Variants in ZNF394 observed in about 807,000 individuals in gnomAD.
ZNF394 encodes the protein zinc finger protein 394.
In ZNF394, 19 loss-of-function variants were observed where a neutral mutation model predicts 21.8. The ratio of observed to expected loss-of-function variants is 0.87; its 90% CI spans 0.61 to 1.28. The LOEUF (loss-of-function observed/expected upper bound fraction) is 1.28, where lower values mean the gene tolerates loss of function less well. ZNF394 is among the 50% of genes most tolerant of loss of function. The probability of loss-of-function intolerance (pLI) is 0.00; values close to 1 mark genes in which losing one functional copy is unlikely to be tolerated. For missense variants in ZNF394, 683 were observed against 708.6 expected, an observed-to-expected ratio of 0.96 and a Z score of 0.41; for synonymous variants, 294 against 273.3, an observed-to-expected ratio of 1.08 and a Z score of -0.75.
chr7:99,487,199 G>C (rs116825831), intron 1 of ZNF394: 1 of 1,614,122 alleles, frequency 6.2e-7, no homozygotes, highest in African/African-American at 1.3e-5. Context: ...ACCCTTCTAT[G>C]TCATCAACAG....
At chr7:99,497,122 G>GTATATATATATATATATATA (rs1206330509) in intron 2 of ZNF394, among the ~76,000 whole-genome samples, 2 of 79,428 alleles carry the variant, frequency 2.5e-5, no homozygotes, top group Non-Finnish European at 2.2e-5. Flanking sequence ...GTGTGTGTGT[G>GTATATATATATATATATATA]TATATATATA....
Position 99,499,870 on chromosome 7 carries a change from A to T in ZNF394, c.224T>A (p.Val75Glu), listed in dbSNP as rs994289639. The part of the protein sequence containing the change: ...LHFRQLRYQE[V>E]AGPEEALSRL... ...GCTCAGCGCCTCTTCCGGTCCAGCCACCTCCTGGTAACGCAGCTGCCTAAA... is the reference window on the plus strand; with the variant it reads ...GCTCAGCGCCTCTTCCGGTCCAGCCTCCTCCTGGTAACGCAGCTGCCTAAA... Residue 75 changes from valine (V) to glutamate (E), a missense_variant, in exon 1 of 3, where the codon GTG (valine) becomes GAG (glutamate). Val to Glu is a moderately radical substitution (Grantham distance 121). This residue lies in a region of ZNF394 where 402 missense variants were observed against 373.8 expected (regional missense o/e 1.08). Transcript: ENST00000337673. The T allele has an allele frequency of 2.4e-5, 38 of 1,613,946 alleles. No individual in the cohort carries two copies. In the African/African-American group the frequency reaches 4.9e-4, roughly 21 times the overall value.
downstream of ZNF394, among the ~76,000 whole-genome samples, chr7:99,492,834 C>G (rs1214750906): frequency 6.6e-6 from 1 of 150,834 alleles, no homozygotes; most frequent in African/African-American, 2.4e-5. Flanking sequence ...TGCCTGTGGT[C>G]CCAGCTACTC....
rs1437213664 is a variant in ZNF394 at position 99,487,072 on chromosome 7, A to G, written n.84-109T>C. On this transcript the variant is annotated intron_variant and non_coding_transcript_variant, in intron 1 of 1. Coordinates refer to the ZNF394 transcript ENST00000462024. ...CACCAAAGAAAAACCTTATAAATGT[A>G]GCAAATGTGAAAAAACGTTTAGTCA... 4 of 1,614,024 alleles carry G rather than the reference A, an allele frequency of 2.5e-6. No individual in the cohort carries two copies. The highest frequency in any genetic ancestry group is 2.2e-5 in the South Asian group (2 of 91,090).
At position 99,499,917 on chromosome 7, in the gene ZNF394, G is replaced by A. The variant is rs1194541714; in HGVS notation, c.177C>T (p.Asp59=). The A allele has an allele frequency of 6.2e-7, 1 of 1,614,126 alleles. No homozygotes were observed. The highest frequency in any genetic ancestry group is 8.5e-7 in the Non-Finnish European group (1 of 1,180,046). The change falls in exon 1 of 3, where the codon GAC becomes GAT. Residue 59 remains aspartate (D), a synonymous_variant. Transcript: ENST00000337673. ...WEPNYPAASP[D]PETSRLHFRQ... ...TAAAGTGCAGTCGAGAAGTTTCGGG[G>A]TCCGGCGAAGCCGCGGGATAGTTGG...
chr7:99,486,663 C>T, exon 2 of ZNF394: 4 of 1,614,186 alleles, frequency 2.5e-6, no homozygotes, highest in South Asian at 1.1e-5. Flanking sequence ...ATGAATACAG[C>T]AGGGGCTTCC....
chr7:99,491,633 G>C (rs116142858), downstream of ZNF394, among the ~76,000 whole-genome samples: 1 of 151,532 alleles, frequency 6.6e-6, no homozygotes, highest in Non-Finnish European at 1.5e-5. Context: ...AAAATCAGCC[G>C]GGTGTGGTGG....
downstream of ZNF394, among the ~76,000 whole-genome samples, chr7:99,488,583 A>G (rs535440236): frequency 2.0e-5 from 3 of 152,176 alleles, no homozygotes; most frequent in South Asian, 6.2e-4. Flanking sequence ...AAAAAACAAA[A>G]CAAAACTAAG....
Position 99,493,733 on chromosome 7 carries a change from CT to C in ZNF394, c.1481del (p.Glu494GlyfsTer82), listed in dbSNP as rs1562892769. Reference sequence around the variant, plus strand: ...CACAGACGGAACATCCATAGGGCTTCTCCCCAGTGTGGATTCTGTGGTGTTT... The same window carrying C: ...CACAGACGGAACATCCATAGGGCTTCCCCCAGTGTGGATTCTGTGGTGTTT... ...LFKHHRIHTG[E>X]KPYGCSVCGK... On this transcript the variant is annotated frameshift_variant, in exon 3 of 3. Transcript: ENST00000337673. LOFTEE classifies it low-confidence loss of function (END_TRUNC). 2 of 1,614,182 alleles carry C rather than the reference CT, an allele frequency of 1.2e-6. No individual in the cohort carries two copies. Among genetic ancestry groups the C allele is most frequent in the South Asian group, 2.2e-5 (2 of 91,074 alleles).
At chr7:99,491,972 C>T (rs554221462), downstream of ZNF394, among the ~76,000 whole-genome samples, 5 of 149,700 alleles carry the variant, frequency 3.3e-5, no homozygotes, top group South Asian at 1.1e-3. Flanking sequence ...ACTCAGGAGG[C>T]TGAGGCAGAA....
rs769731471 is a variant in ZNF394, at chr7:99,499,652, C to T, written c.442G>A (p.Gly148Arg). Residue 148 changes from glycine to arginine, a missense_variant, in exon 1 of 3, where the codon GGA (glycine) becomes AGA (arginine). Gly to Arg is a moderately radical substitution (Grantham distance 125). Coordinates refer to ENST00000337673, the MANE Select transcript of ZNF394 (RefSeq NM_032164.4). ...TCGCTTCTCACCTGGGATGAGGTTCCATCGAGCGCTCGCTGCAGAGCCCGC... is the reference window on the plus strand; with the variant it reads ...TCGCTTCTCACCTGGGATGAGGTTCTATCGAGCGCTCGCTGCAGAGCCCGC... Reference protein sequence around the residue: ...VVRALQRALDGTSSQGMVTFE... With the variant: ...VVRALQRALDRTSSQGMVTFE... 1.3e-6 allele frequency: 2 copies of T among 1,596,852 alleles called. No homozygotes were observed. Among genetic ancestry groups the T allele is most frequent in the Admixed American group, 1.7e-5 (1 of 58,686 alleles).
At chr7:99,487,782 AAAAG>A (rs768468145) in intron 1 of ZNF394, among the ~76,000 whole-genome samples, 31 of 152,150 alleles carry the variant, frequency 2.0e-4, no homozygotes, top group Middle Eastern at 3.4e-3. Context: ...TCAAAAAAAA[AAAAG>A]AAAGGGCTGG....
downstream of ZNF394, among the ~76,000 whole-genome samples, chr7:99,489,002 C>T (rs1434989013): frequency 8.2e-5 from 12 of 145,470 alleles, 1 homozygote; most frequent in Admixed American, 8.4e-4. Context: ...AGTTGTAAGT[C>T]AGCCCGGCGC....
At chr7:99,487,264 A>G (rs754543257) in intron 1 of ZNF394, 2 of 1,614,118 alleles carry the variant, frequency 1.2e-6, no homozygotes, top group East Asian at 2.2e-5. Context: ...GTCCTTTGGT[A>G]GGAATGTGGA....
rs752273039 is a variant in ZNF394, at chr7:99,499,665, C to T, written c.429G>A (p.Gln143=). The T allele has an allele frequency of 3.7e-6, 6 of 1,606,150 alleles. No homozygotes were observed. The highest frequency in any genetic ancestry group is 4.2e-6 in the Non-Finnish European group (5 of 1,177,824). The part of the protein sequence containing the change: ...EEAVAVVRAL[Q]RALDGTSSQG... ...GGGATGAGGTTCCATCGAGCGCTCGCTGCAGAGCCCGCACCACGGCCACCG... is the reference window on the plus strand; with the variant it reads ...GGGATGAGGTTCCATCGAGCGCTCGTTGCAGAGCCCGCACCACGGCCACCG... The change falls in exon 1 of 3, where the codon CAG becomes CAA. Residue 143 remains glutamine (Q), a synonymous_variant. Coordinates refer to ENST00000337673, the MANE Select transcript of ZNF394 (RefSeq NM_032164.4).
downstream of ZNF394, among the ~76,000 whole-genome samples, chr7:99,489,864 G>A (rs1466889667): frequency 6.6e-5 from 10 of 152,020 alleles, no homozygotes; most frequent in Non-Finnish European, 1.0e-4. Flanking sequence ...AATTTGCCGG[G>A]CGTGGTGGTG....
chr7:99,493,019 T>G (rs1231405817), downstream of ZNF394, among the ~76,000 whole-genome samples: 1 of 152,142 alleles, frequency 6.6e-6, no homozygotes, highest in African/African-American at 2.4e-5. Context: ...AGCCTGGCTC[T>G]TATCATCAGA....
chr7:99,499,770 C>T lies in ZNF394; in HGVS notation c.324G>A (p.Val108=), dbSNP rs1378819374. The stretch of plus-strand genomic sequence containing the variant: ...GCAGGATGGTGAGGAACTGCTCCAG[C>T]ACCAGCAGCTCCAGGATCTGCTCCT... The part of the protein sequence containing the change: ...LSKEQILELL[V]LEQFLTILPE... Residue 108 remains valine (V), a synonymous_variant, in exon 1 of 3, where the codon GTG becomes GTA. Coordinates refer to ENST00000337673, the MANE Select transcript of ZNF394 (RefSeq NM_032164.4). 1.2e-6 allele frequency: 2 copies of T among 1,614,082 alleles called. No individual in the cohort carries two copies. Among genetic ancestry groups the T allele is most frequent in the Non-Finnish European group, 1.7e-6 (2 of 1,180,046 alleles).
At chr7:99,499,216 A>G (rs1011755387) in intron 1 of ZNF394, among the ~76,000 whole-genome samples, 6 of 151,718 alleles carry the variant, frequency 4.0e-5, no homozygotes, top group African/African-American at 1.5e-4. Flanking sequence ...TCTCTACTAA[A>G]AATACAAAAA....
Sources: gnomAD v4.1 joint callset for allele counts (sites outside exome capture counted in the v4.1 genomes callset) on GRCh38, gnomAD v4.1.1 for gene constraint, gnomAD v4.1.1 regional missense constraint, MANE v1.5 for transcripts, NCBI Gene and HGNC (gene_info 2026-07-23, HGNC 2026-07-21) for gene names.